Variants in LOXHD1 observed in about 807,000 individuals in gnomAD.
LOXHD1 encodes lipoxygenase homology PLAT domains 1.
In LOXHD1, 205 loss-of-function variants were observed where a neutral mutation model predicts 248.2. The observed-to-expected ratio is 0.83, with a 90% CI of 0.74 to 0.93. The LOEUF (loss-of-function observed/expected upper bound fraction) is 0.93, where lower values mean the gene tolerates loss of function less well. Among genes scored for constraint, LOXHD1 ranks in the 40% least tolerant of loss-of-function variants. The probability of loss-of-function intolerance (pLI) is 0.00; values close to 1 mark genes in which losing one functional copy is unlikely to be tolerated. For synonymous variants in LOXHD1, 1,113 were observed against 1,162.8 expected, an observed-to-expected ratio of 0.96 and a Z score of 0.87; for missense variants, 2,930 against 2,971.6, an observed-to-expected ratio of 0.99 and a Z score of 0.33.
rs373000626 is a variant in LOXHD1 at position 46,606,802 on chromosome 18, GA to G, written c.760-2574del. ...ATATAATAATTTTGAGGAAAAAATA[GA>G]AACATTTGACCAAAGGAGATTGGTT... On this transcript the variant is annotated intron_variant, in intron 6 of 40. Coordinates refer to ENST00000642948, the MANE Select transcript of LOXHD1 (RefSeq NM_001384474.1). Among the ~76,000 whole-genome samples, 367 of 152,156 alleles carry G rather than the reference GA, an allele frequency of 2.4e-3. 1 individual carries two copies. The highest frequency in any genetic ancestry group is 8.4e-3 in the African/African-American group (348 of 41,528).
chr18:46,545,722 C>T (rs1453494577), intron 22 of LOXHD1, among the ~76,000 whole-genome samples: 9 of 144,530 alleles, frequency 6.2e-5, no homozygotes, highest in Admixed American at 2.0e-4. Context: ...CTCCGCCTCC[C>T]GGGTTCACGC....
chr18:46,521,213 G>C lies in LOXHD1; in HGVS notation c.5155C>G (p.Gln1719Glu), dbSNP rs911930530. 6.4e-7 allele frequency: 1 copy of C among 1,551,722 alleles called. No individual in the cohort carries two copies. Among genetic ancestry groups the C allele is most frequent in the East Asian group, 2.4e-5 (1 of 40,920 alleles). The change falls in exon 33 of 41, where the codon CAG (glutamine) becomes GAG (glutamate). Residue 1719 changes from glutamine to glutamate, a missense_variant. By Grantham distance (29) the Gln-to-Glu change is conservative. Coordinates refer to ENST00000642948, the MANE Select transcript of LOXHD1 (RefSeq NM_001384474.1). ...CAGTTCAACATGTACTTGGTGCCCT[G>C]GGTGGGCACTGCCAAACACAACTCT... is the stretch of plus-strand genomic sequence containing the variant. Reference protein sequence around the residue: ...VEELCLAVPTQGTKYMLNCNC... With the variant: ...VEELCLAVPTEGTKYMLNCNC...
intron 33 of LOXHD1, 119 bp from the exon 34 acceptor site, chr18:46,518,375 C>A (rs1229010789): frequency 3.2e-6 from 4 of 1,260,698 alleles, no homozygotes; most frequent in Non-Finnish European, 4.4e-6. Context: ...CTGGAAAGAG[C>A]CCTTCCTCAA....
At chr18:46,603,985 G>C in intron 7 of LOXHD1, 121 bp downstream of exon 7, 2 of 1,313,310 alleles carry the variant, frequency 1.5e-6, no homozygotes, top group Non-Finnish European at 2.1e-6. Context: ...CAGGAGGAAT[G>C]CTGTCTGCAG....
At chr18:46,503,176 T>C (rs1308655741) in intron 37 of LOXHD1, among the ~76,000 whole-genome samples, 2 of 152,042 alleles carry the variant, frequency 1.3e-5, no homozygotes, top group Admixed American at 1.3e-4. Context: ...AGACAGAGAG[T>C]TGGAAGCCCA....
chr18:46,644,469 G>A (rs2039002503), intron 2 of LOXHD1, among the ~76,000 whole-genome samples: 2 of 152,218 alleles, frequency 1.3e-5, no homozygotes, highest in Admixed American at 1.3e-4. Context: ...TATAATCACA[G>A]TGCCTCGAGA....
At chr18:46,555,042 T>G in intron 21 of LOXHD1, 1 of 444,864 alleles carries the variant, frequency 2.2e-6, no homozygotes. Context: ...TGACAGGCAT[T>G]ACTATAGATT....
chr18:46,653,595 A>G (rs961127865), intron 1 of LOXHD1, among the ~76,000 whole-genome samples: 2 of 152,252 alleles, frequency 1.3e-5, no homozygotes, highest in Non-Finnish European at 2.9e-5. Context: ...AGCACAAACA[A>G]TTGTCAATCT....
intron 4 of LOXHD1, among the ~76,000 whole-genome samples, chr18:46,637,841 A>C (rs2038912514): frequency 1.3e-5 from 2 of 152,220 alleles, no homozygotes; most frequent in Non-Finnish European, 2.9e-5. Context: ...AGCAATTCAG[A>C]AATGTCCCTC....
At chr18:46,599,842 A>G (rs1378153581) in intron 8 of LOXHD1, among the ~76,000 whole-genome samples, 1 of 152,234 alleles carries the variant, frequency 6.6e-6, no homozygotes, top group East Asian at 1.9e-4. Context: ...AATCATAAAA[A>G]TAAGAATTAA....
intron 3 of LOXHD1, among the ~76,000 whole-genome samples, chr18:46,640,403 C>A (rs1332648250): frequency 1.3e-5 from 2 of 152,198 alleles, no homozygotes; most frequent in African/African-American, 4.8e-5. Context: ...AGCAGATACT[C>A]CCCTTAGTCC....
intron 21 of LOXHD1, chr18:46,556,602 A>G (rs1347291952): frequency 1.3e-5 from 2 of 159,286 alleles, no homozygotes; most frequent in Non-Finnish European, 2.8e-5. Flanking sequence ...CACGCAGCCC[A>G]CTCTCAGCCT....
intron 37 of LOXHD1, among the ~76,000 whole-genome samples, chr18:46,503,303 G>A (rs2034351433): frequency 6.6e-6 from 1 of 152,122 alleles, no homozygotes; most frequent in Non-Finnish European, 1.5e-5. Context: ...CTCCTGTTAG[G>A]GTTAGGGTAG....
At chr18:46,641,932 C>A (rs763368393) in intron 3 of LOXHD1, 24 bp downstream of exon 3, 310 of 1,547,794 alleles carry the variant, frequency 2.0e-4, no homozygotes, top group Non-Finnish European at 2.6e-4. Flanking sequence ...CACCCTCAAT[C>A]CTAGTCAGGC....
intron 34 of LOXHD1, among the ~76,000 whole-genome samples, chr18:46,515,561 T>C (rs1360742295): frequency 6.6e-6 from 1 of 152,226 alleles, no homozygotes; most frequent in East Asian, 1.9e-4. Flanking sequence ...ATTTTTGGAA[T>C]TTAGATACTT....
chr18:46,494,849 CTTTTTTTTT>C (rs58016824), intron 37 of LOXHD1, among the ~76,000 whole-genome samples: 1 of 96,554 alleles, frequency 1.0e-5, no homozygotes, highest in Non-Finnish European at 2.1e-5. Context: ...TTCTCTCTCT[CTTTTTTTTT>C]TTTTTTTTTT....
chr18:46,560,116 C>G lies in LOXHD1; in HGVS notation c.3028G>C (p.Glu1010Gln). The change falls in exon 19 of 41, where the codon GAG becomes CAG. Residue 1010 changes from glutamate (E) to glutamine (Q), a missense_variant. Glu to Gln is a conservative substitution (Grantham distance 29). Transcript: ENST00000642948. The stretch of plus-strand genomic sequence containing the variant: ...CCCGGCTTGCCAGCTGGCACCAACT[C>G]CACGACAAGTTCGTTGTCCTCCTTG... Reference protein sequence around the residue: ...RGKEDNELVVELVPAGKPGPE... With the variant: ...RGKEDNELVVQLVPAGKPGPE... The G allele has an allele frequency of 3.3e-6, 5 of 1,500,526 alleles. No individual in the cohort carries two copies. The highest frequency in any genetic ancestry group is 4.5e-6 in the Non-Finnish European group (5 of 1,114,148). 93.0% of individuals were successfully genotyped at this position (1,500,526 alleles called of 1,614,324 possible).
intron 32 of LOXHD1, 131 bp downstream of exon 32, chr18:46,521,970 T>C: frequency 1.4e-6 from 1 of 733,288 alleles, no homozygotes; most frequent in Non-Finnish European, 2.2e-6. Context: ...GGTTCTTCTC[T>C]GCTACCTGCT....
intron 19 of LOXHD1, 31 bp downstream of exon 19, chr18:46,560,052 T>TTGCCCCCCCCC: frequency 2.3e-6 from 1 of 441,130 alleles, no homozygotes; most frequent in Non-Finnish European, 3.6e-6. Flanking sequence ...GGCCACTCCC[T>TTGCCCCCCCCC]CCCCACCCCC....
Sources: allele counts gnomAD v4.1 joint callset (sites outside exome capture counted in the v4.1 genomes callset), GRCh38; gene constraint gnomAD v4.1.1; transcripts MANE v1.5; gene names NCBI Gene and HGNC (gene_info 2026-07-23, HGNC 2026-07-21).